The following THAP12 variants were observed in gnomAD, a reference collection of about 807,000 sequenced individuals.
THAP12 encodes the protein 52 kDa repressor of the inhibitor of the protein kinase.
In THAP12, 20 loss-of-function variants were observed where a neutral mutation model predicts 63.0. The observed-to-expected ratio is 0.32, with a 90% CI of 0.22 to 0.46. THAP12 has a LOEUF of 0.46. Among genes scored for constraint, THAP12 ranks in the 20% least tolerant of loss-of-function variants. The pLI, the probability that THAP12 is intolerant of heterozygous loss-of-function variation, is 1.00. For synonymous variants in THAP12, 264 were observed against 328.4 expected (o/e 0.80, Z 2.12); for missense variants, 568 against 908.2 (o/e 0.63, Z 4.81).
At chr11:76,355,216 T>C (rs530651814) in intron 4 of THAP12, among the ~76,000 whole-genome samples, 2 of 152,374 alleles carry the variant, frequency 1.3e-5, no homozygotes, top group Admixed American at 6.5e-5. Context: ...AATGGCACTA[T>C]GTGCCCCCAC....
chr11:76,355,521 G>C, intron 4 of THAP12, 97 bp downstream of exon 4: 1 of 1,105,178 alleles, frequency 9.0e-7, no homozygotes, highest in Middle Eastern at 2.1e-4. Flanking sequence ...TCATTCTCAA[G>C]GTAGGTTTTC....
At chr11:76,373,583 G>A (rs377300921) in intron 1 of THAP12, among the ~76,000 whole-genome samples, 54 of 152,008 alleles carry the variant, frequency 3.6e-4, no homozygotes, top group African/African-American at 1.3e-3. Flanking sequence ...TTAGCCGGGG[G>A]TTGTGATGGG....
intron 1 of THAP12, among the ~76,000 whole-genome samples, chr11:76,377,217 A>C (rs1384278405): frequency 6.6e-6 from 1 of 152,206 alleles, no homozygotes; most frequent in African/African-American, 2.4e-5. Flanking sequence ...TGTATATCCT[A>C]TTCTCTCTTC....
At chr11:76,364,365 T>G (rs1419454472) in intron 2 of THAP12, 3 of 433,074 alleles carry the variant, frequency 6.9e-6, no homozygotes, top group Non-Finnish European at 1.4e-5. Context: ...AGTATCTGCT[T>G]CAATTAATTT....
At chr11:76,353,360 G>A (rs1272120325) in intron 4 of THAP12, among the ~76,000 whole-genome samples, 1 of 152,156 alleles carries the variant, frequency 6.6e-6, no homozygotes, top group African/African-American at 2.4e-5. Context: ...GACAAACAAG[G>A]ACACTAAGTA....
chr11:76,372,161 C>T (rs2134514014), intron 1 of THAP12, among the ~76,000 whole-genome samples: 1 of 150,834 alleles, frequency 6.6e-6, no homozygotes, highest in South Asian at 2.1e-4. Context: ...ATTATGTTGC[C>T]CAGGTGGGTC....
chr11:76,366,285 A>G (rs1389951984), intron 1 of THAP12, among the ~76,000 whole-genome samples: 1 of 152,206 alleles, frequency 6.6e-6, no homozygotes, highest in Non-Finnish European at 1.5e-5. Context: ...AACCATCAGC[A>G]GAACAAGCAG....
At chr11:76,380,482 G>A (rs1233190972) in intron 1 of THAP12, among the ~76,000 whole-genome samples, 1 of 152,180 alleles carries the variant, frequency 6.6e-6, no homozygotes, top group Non-Finnish European at 1.5e-5. Context: ...CCGCGTCCGC[G>A]CGCCGCCCCA....
chr11:76,357,384 G>A (rs1445597141), intron 3 of THAP12: 2 of 151,876 alleles, frequency 1.3e-5, no homozygotes, highest in Non-Finnish European at 2.9e-5. Flanking sequence ...AACAAATAGA[G>A]GGGAAAATGC....
chr11:76,361,300 A>C (rs1284748540), intron 2 of THAP12: 1 of 418,820 alleles, frequency 2.4e-6, no homozygotes, highest in East Asian at 4.3e-5. Flanking sequence ...ATAAAATATA[A>C]AATGTACTTG....
At chr11:76,369,009 T>C (rs1482982924) in intron 1 of THAP12, among the ~76,000 whole-genome samples, 1 of 152,162 alleles carries the variant, frequency 6.6e-6, no homozygotes, top group Non-Finnish European at 1.5e-5. Flanking sequence ...TATCTAACAA[T>C]GGACTCACAT....
At chr11:76,358,370 T>C (rs964570142) in intron 3 of THAP12, 34 of 152,186 alleles carry the variant, frequency 2.2e-4, no homozygotes, top group African/African-American at 7.7e-4. Context: ...AATAGACATA[T>C]TGCAGTCAAC....
At chr11:76,376,916 T>G (rs891622031) in intron 1 of THAP12, among the ~76,000 whole-genome samples, 1 of 152,108 alleles carries the variant, frequency 6.6e-6, no homozygotes, top group Middle Eastern at 3.2e-3. Context: ...AAGAATGTCT[T>G]TGGGCTAAAA....
chr11:76,374,890 G>A (rs1347519435), intron 1 of THAP12, among the ~76,000 whole-genome samples: 2 of 152,048 alleles, frequency 1.3e-5, no homozygotes, highest in African/African-American at 4.8e-5. Flanking sequence ...TGACGGGGAA[G>A]CCTTATTTGC....
chr11:76,376,530 G>A (rs1274674186), intron 1 of THAP12, among the ~76,000 whole-genome samples: 2 of 152,016 alleles, frequency 1.3e-5, no homozygotes, highest in African/African-American at 2.4e-5. Context: ...TTTTAGCAAG[G>A]GCAAAGATGC....
At chr11:76,355,029 G>A (rs1946551725) in intron 4 of THAP12, among the ~76,000 whole-genome samples, 1 of 152,136 alleles carries the variant, frequency 6.6e-6, no homozygotes, top group East Asian at 1.9e-4. Flanking sequence ...CAATGATTTG[G>A]CATCAGTAAG....
intron 1 of THAP12, among the ~76,000 whole-genome samples, chr11:76,371,143 C>CTGG (rs762761008): frequency 3.9e-5 from 6 of 152,222 alleles, no homozygotes; most frequent in Non-Finnish European, 8.8e-5. Flanking sequence ...CTCTTCCAAA[C>CTGG]TGGTCATCTG....
intron 1 of THAP12, among the ~76,000 whole-genome samples, chr11:76,372,195 C>T (rs1412819514): frequency 6.6e-6 from 1 of 152,090 alleles, no homozygotes; most frequent in Non-Finnish European, 1.5e-5. Flanking sequence ...CTCAAGCGAT[C>T]CTCCCGCCTA....
In THAP12 at chr11:76,350,668, C is replaced by G; in HGVS notation, c.*196G>C. On this transcript the variant is annotated 3_prime_UTR_variant, in exon 5 of 5. Coordinates refer to ENST00000260045, the MANE Select transcript of THAP12 (RefSeq NM_004705.4). ...AAGGAAACATGGCACTTTCAACGTT[C>G]TCTTCTGGAAGAACAGGTAGGTCTT... 1 of 500,260 alleles carries G rather than the reference C, an allele frequency of 2.0e-6. No homozygotes were observed. Among genetic ancestry groups the G allele is most frequent in the Non-Finnish European group, 3.2e-6 (1 of 315,084 alleles). The allele number at this position is 500,260 out of a possible 1,614,324, so 31.0% of individuals were successfully genotyped here.
Sources: allele counts gnomAD v4.1 joint callset (sites outside exome capture counted in the v4.1 genomes callset), GRCh38; gene constraint gnomAD v4.1.1; transcripts MANE v1.5; gene names NCBI Gene and HGNC (gene_info 2026-07-23, HGNC 2026-07-21).